The following MACROD1 variants were observed in gnomAD, a reference collection of about 807,000 sequenced individuals.
MACROD1 encodes ADP-ribose glycohydrolase MACROD1.
Under a neutral mutation model 41.4 loss-of-function variants are expected in MACROD1, and 31 were observed. The observed-to-expected ratio is 0.75, with a 90% CI of 0.56 to 1.01. MACROD1 has a LOEUF of 1.01. MACROD1 is among the 50% of genes least tolerant of loss of function. The pLI is 0.00. For synonymous variants in MACROD1, 252 were observed against 203.4 expected, an observed-to-expected ratio of 1.24 and a Z score of -2.03; for missense variants, 473 against 460.0, an observed-to-expected ratio of 1.03 and a Z score of -0.26.
rs535223105 is a variant in MACROD1 at position 64,144,137 on chromosome 11, CCA to C, written c.517+7100_517+7101del. Among the ~76,000 whole-genome samples the C allele has an allele frequency of 6.5e-3, 994 of 151,912 alleles. 5 individuals carry two copies. The highest frequency in any genetic ancestry group is 0.011 in the Non-Finnish European group (779 of 67,962). ...TCACTCCAGACCCCTCAGAGCCTTC[CCA>C]CAGTGTCCCGTCCACCTCGCCCCTC... On this transcript the variant is annotated intron_variant, in intron 3 of 10. Transcript: ENST00000255681.
At chr11:64,115,794 C>T (rs1944966551) in intron 3 of MACROD1, among the ~76,000 whole-genome samples, 3 of 152,214 alleles carry the variant, frequency 2.0e-5, no homozygotes, top group Admixed American at 6.5e-5. Context: ...CCATAAAACA[C>T]GCCCTAAATC....
intron 3 of MACROD1, among the ~76,000 whole-genome samples, chr11:64,145,345 G>A (rs1209373394): frequency 1.3e-5 from 2 of 152,042 alleles, no homozygotes; most frequent in African/African-American, 2.4e-5. Flanking sequence ...GCGGCGTTGC[G>A]TGGCACTTTG....
intron 3 of MACROD1, among the ~76,000 whole-genome samples, chr11:64,114,194 AGATG>A (rs1224090833): frequency 1.7e-5 from 2 of 119,056 alleles, no homozygotes; most frequent in Non-Finnish European, 3.5e-5. Flanking sequence ...ATGGATGGTT[AGATG>A]GATGGATGGA....
intron 3 of MACROD1, among the ~76,000 whole-genome samples, chr11:64,025,648 G>A (rs994648317): frequency 5.5e-4 from 84 of 151,718 alleles, no homozygotes; most frequent in South Asian, 2.1e-4. Context: ...CCGGTTTGCT[G>A]TTATTATTCA....
Position 64,136,403 on chromosome 11 carries a change from C to T in MACROD1, c.517+14836G>A, listed in dbSNP as rs144970860. On this transcript the variant is annotated intron_variant, in intron 3 of 10. Transcript: ENST00000255681. ...CAACCTGAGAAGTGGGACTCATAGC[C>T]GCCTCTCAGGCCATGACTGTGATGG... Among the ~76,000 whole-genome samples the T allele has an allele frequency of 9.9e-4, 151 of 152,294 alleles. 1 individual carries two copies. The highest frequency in any genetic ancestry group is 3.2e-3 in the African/African-American group (134 of 41,568).
At position 63,999,049 on chromosome 11, in the gene MACROD1, C is replaced by G. The variant is rs772791751; in HGVS notation, c.892-13G>C. 1.3e-6 allele frequency: 2 copies of G among 1,593,998 alleles called. No individual in the cohort carries two copies. The highest frequency in any genetic ancestry group is 1.7e-6 in the Non-Finnish European group (2 of 1,171,930). ...TCAGCCGGTCCACCTGCGCCAGGGG[C>G]TGCTCAGCCTGGGCCGAGCTGCCAC... On this transcript the variant is annotated splice_polypyrimidine_tract_variant and intron_variant, in intron 8 of 10. Transcript: ENST00000255681.
intron 3 of MACROD1, chr11:64,118,174 A>G: frequency 4.3e-6 from 7 of 1,613,674 alleles, no homozygotes; most frequent in Non-Finnish European, 5.9e-6. Context: ...TACGTGGTCC[A>G]CACTATCTTC....
At chr11:64,109,267 G>A (rs1173491356) in intron 3 of MACROD1, among the ~76,000 whole-genome samples, 1 of 152,194 alleles carries the variant, frequency 6.6e-6, no homozygotes, top group Non-Finnish European at 1.5e-5. Flanking sequence ...AGCAAAGGCT[G>A]AGCAGCAGAC....
intron 3 of MACROD1, among the ~76,000 whole-genome samples, chr11:64,062,128 G>A (rs962001539): frequency 4.6e-5 from 7 of 151,850 alleles, no homozygotes; most frequent in Non-Finnish European, 7.4e-5. Context: ...CCTCTCCTCC[G>A]CAAGGCCTTC....
chr11:64,094,059 G>A (rs987135382), intron 3 of MACROD1, among the ~76,000 whole-genome samples: 2 of 152,202 alleles, frequency 1.3e-5, no homozygotes, highest in Non-Finnish European at 2.9e-5. Flanking sequence ...CACTTTGGGA[G>A]GCCAAGCCAG....
chr11:64,002,826 T>G (rs755044474), intron 4 of MACROD1, among the ~76,000 whole-genome samples: 14 of 152,046 alleles, frequency 9.2e-5, no homozygotes, highest in Non-Finnish European at 1.6e-4. Flanking sequence ...TCAGGGGAGA[T>G]GCCCTTCCTT....
chr11:64,086,007 G>C (rs1399720082), intron 3 of MACROD1, among the ~76,000 whole-genome samples: 1 of 152,088 alleles, frequency 6.6e-6, no homozygotes, highest in Non-Finnish European at 1.5e-5. Flanking sequence ...AGGAGGCTCA[G>C]GGAGGGAGGG....
At chr11:64,139,867 A>G (rs1945386438) in intron 3 of MACROD1, among the ~76,000 whole-genome samples, 1 of 151,948 alleles carries the variant, frequency 6.6e-6, no homozygotes, top group African/African-American at 2.4e-5. Flanking sequence ...GAGGCAGGAG[A>G]ATAGCATGAA....
intron 3 of MACROD1, among the ~76,000 whole-genome samples, chr11:64,107,487 C>T (rs1006744595): frequency 2.6e-5 from 4 of 152,230 alleles, no homozygotes; most frequent in Non-Finnish European, 4.4e-5. Flanking sequence ...CTGGCACCAG[C>T]GCCACCCAGC....
chr11:64,056,451 A>G (rs1409394943), intron 3 of MACROD1, among the ~76,000 whole-genome samples: 1 of 152,020 alleles, frequency 6.6e-6, no homozygotes. Flanking sequence ...GTGGGGAGGA[A>G]GGGGGAGCAG....
intron 3 of MACROD1, among the ~76,000 whole-genome samples, chr11:64,049,994 C>T (rs536481685): frequency 1.8e-4 from 27 of 152,184 alleles, no homozygotes; most frequent in Non-Finnish European, 3.5e-4. Flanking sequence ...GCCTGGATGC[C>T]ATATTATAAA....
chr11:64,097,439 C>T (rs937616639), intron 3 of MACROD1, among the ~76,000 whole-genome samples: 2 of 152,144 alleles, frequency 1.3e-5, no homozygotes, highest in Admixed American at 6.5e-5. Flanking sequence ...GAGTGGGCCC[C>T]GCACCCCTGA....
At position 64,067,852 on chromosome 11, in the gene MACROD1, A is replaced by T. The variant is rs550427589; in HGVS notation, c.518-52571T>A. ...TGGGTGATGAGGGGGTTGGGGGAGG[A>T]GCTGAGCGGCCCACTTCCTGCTGCT... On this transcript the variant is annotated intron_variant, in intron 3 of 10. Transcript: ENST00000255681. The surrounding 1 kb of genome is among the most constrained non-coding windows in gnomAD (Gnocchi z 4.6). Among the ~76,000 whole-genome samples, 41 of 152,068 alleles carry T rather than the reference A, an allele frequency of 2.7e-4. No homozygotes were observed. The highest frequency in any genetic ancestry group is 9.9e-4 in the African/African-American group (41 of 41,478).
At chr11:64,088,363 T>C (rs973505317) in intron 3 of MACROD1, among the ~76,000 whole-genome samples, 1 of 151,712 alleles carries the variant, frequency 6.6e-6, no homozygotes, top group African/African-American at 2.4e-5. Context: ...AGTGGGGCCT[T>C]GGGCGTGACT....
Sources: allele counts gnomAD v4.1 joint callset (sites outside exome capture counted in the v4.1 genomes callset), GRCh38; gene constraint gnomAD v4.1.1; non-coding constraint Gnocchi (gnomAD v3.1); transcripts MANE v1.5; gene names NCBI Gene and HGNC (gene_info 2026-07-23, HGNC 2026-07-21).